The following GOSR1 variants were observed in gnomAD, a reference collection of about 807,000 sequenced individuals.
GOSR1 encodes 28 kDa Golgi SNARE protein.
Under a neutral mutation model 35.5 loss-of-function variants are expected in GOSR1, and 21 were observed. That is an observed-to-expected ratio of 0.59 (90% CI 0.42 to 0.85). The LOEUF (loss-of-function observed/expected upper bound fraction) is 0.85, where lower values mean the gene tolerates loss of function less well. Ranked by LOEUF, GOSR1 falls within the 40% of genes least tolerant of loss-of-function variation. The pLI, the probability that GOSR1 is intolerant of heterozygous loss-of-function variation, is 0.00. For synonymous variants in GOSR1, 94 were observed against 106.6 expected, an observed-to-expected ratio of 0.88 and a Z score of 0.73; for missense variants, 285 against 309.6, an observed-to-expected ratio of 0.92 and a Z score of 0.60.
In GOSR1 at chr17:30,484,231, T is replaced by A; in HGVS notation, c.164T>A (p.Leu55His). The A allele has an allele frequency of 6.2e-7, 1 of 1,605,870 alleles. No individual in the cohort carries two copies. Among genetic ancestry groups the A allele is most frequent in the Non-Finnish European group, 8.5e-7 (1 of 1,172,550 alleles). Residue 55 changes from leucine (L) to histidine (H), a missense_variant, in exon 3 of 9, where the codon CTT (leucine) becomes CAT (histidine). Physicochemically the swap from Leu to His is moderately conservative, Grantham distance 99. Transcript: ENST00000451249. ...GRRDSSDTTP[L>H]LNGSSQDRMF... Reference sequence around the variant, plus strand: ...CTTTTTAGTTCTGATACAACACCCCTTTTAAATGGATCAAGCCAAGACAGA... The same window carrying A: ...CTTTTTAGTTCTGATACAACACCCCATTTAAATGGATCAAGCCAAGACAGA...
intron 7 of GOSR1, among the ~76,000 whole-genome samples, chr17:30,517,591 A>T (rs1967869126): frequency 6.9e-6 from 1 of 144,250 alleles, no homozygotes. Context: ...GTTTTGGGGG[A>T]TTTTTTTTTT....
In GOSR1 at chr17:30,525,788, G is replaced by C. The variant is rs141094432; in HGVS notation, c.*3410G>C. 6.6e-6 allele frequency: 1 copy of C among 152,256 alleles called. No homozygotes were observed. The highest frequency in any genetic ancestry group is 1.9e-4 in the East Asian group (1 of 5,186). The allele number at this position is 152,256 out of a possible 1,614,324, so 9.4% of individuals were successfully genotyped here. A position where few individuals can be genotyped will look rare whatever the true frequency, so the allele number is the denominator to read the frequency against. On this transcript the variant is annotated 3_prime_UTR_variant, in exon 9 of 9. Coordinates refer to ENST00000451249, the MANE Select transcript of GOSR1 (RefSeq NM_001007025.2). ...TCCATTAGGGTTTTGCTTATGTGAAGTAATGGAATTATGTTGGTTATTTTC... is the reference window on the plus strand; with the variant it reads ...TCCATTAGGGTTTTGCTTATGTGAACTAATGGAATTATGTTGGTTATTTTC...
In GOSR1 at chr17:30,477,449, A is replaced by G. The variant is rs369485696; in HGVS notation, c.16A>G (p.Ser6Gly). The G allele has an allele frequency of 1.5e-5, 24 of 1,608,864 alleles. 1 individual carries two copies. The East Asian group carries it at 2.0e-4, about 14-fold the overall frequency. MAAGT[S>G]SYWEDLRKQA... ...GACGACAAAGATGGCGGCAGGGACC[A>G]GCAGTTACTGGGAAGGTGAGGGCGA... The change falls in exon 1 of 9, where the codon AGC becomes GGC. Residue 6 changes from serine (S) to glycine (G), a missense_variant. Around this residue, in one of 3 missense-constraint regions of GOSR1, gnomAD observed 108 missense variants for 98.9 expected, o/e 1.09. Transcript: ENST00000451249.
At chr17:30,490,803 C>CT (rs1047353795) in intron 5 of GOSR1, among the ~76,000 whole-genome samples, 7 of 152,076 alleles carry the variant, frequency 4.6e-5, no homozygotes, top group Admixed American at 3.3e-4. Flanking sequence ...TTCACCTCAC[C>CT]TTTAATGATC....
chr17:30,482,192 T>C (rs2143606449), intron 2 of GOSR1, among the ~76,000 whole-genome samples: 1 of 151,952 alleles, frequency 6.6e-6, no homozygotes, highest in East Asian at 1.9e-4. Context: ...TATTATGTTA[T>C]ATAGTATATA....
At chr17:30,484,375 A>G in intron 3 of GOSR1, 74 bp downstream of exon 3, 2 of 862,716 alleles carry the variant, frequency 2.3e-6, no homozygotes, top group South Asian at 2.7e-5. Flanking sequence ...GATTATATTG[A>G]GACAGACATG....
chr17:30,478,285 T>C (rs575001822), intron 1 of GOSR1, among the ~76,000 whole-genome samples: 2 of 152,358 alleles, frequency 1.3e-5, no homozygotes, highest in South Asian at 4.1e-4. Flanking sequence ...CTCTTTGCTT[T>C]ACAGCCGCAT....
At position 30,524,372 on chromosome 17, in the gene GOSR1, G is replaced by A. The variant is rs1417429725; in HGVS notation, c.*1994G>A. On this transcript the variant is annotated 3_prime_UTR_variant, in exon 9 of 9. Coordinates refer to ENST00000451249, the MANE Select transcript of GOSR1 (RefSeq NM_001007025.2). ...AAATTCTGTTTTTCATAGATTCTTT[G>A]AGATGCTGATGGACCAGCTTCAGCA... 6.6e-6 allele frequency: 1 copy of A among 152,114 alleles called. No homozygotes were observed. The highest frequency in any genetic ancestry group is 1.5e-5 in the Non-Finnish European group (1 of 68,028). The allele number at this position is 152,114 out of a possible 1,614,324, so 9.4% of individuals were successfully genotyped here. A position where few individuals can be genotyped will look rare whatever the true frequency, so the allele number is the denominator to read the frequency against.
rs2143978151 is a variant in GOSR1, at chr17:30,525,626, A to G, written c.*3248A>G. The stretch of plus-strand genomic sequence containing the variant: ...GTATCATAAATAAAGTTATTTATTT[A>G]ATTATACTACCAGTCTTTTTTACTG... On this transcript the variant is annotated 3_prime_UTR_variant, in exon 9 of 9. Coordinates refer to ENST00000451249, the MANE Select transcript of GOSR1 (RefSeq NM_001007025.2). 6.6e-6 allele frequency: 1 copy of G among 152,298 alleles called. No individual in the cohort carries two copies. Among genetic ancestry groups the G allele is most frequent in the East Asian group, 1.9e-4 (1 of 5,188 alleles). 9.4% of individuals were successfully genotyped at this position (152,298 alleles called of 1,614,324 possible). A position where few individuals can be genotyped will look rare whatever the true frequency, so the allele number is the denominator to read the frequency against.
chr17:30,479,672 C>T (rs1422471424), intron 1 of GOSR1: 1 of 152,306 alleles, frequency 6.6e-6, no homozygotes, highest in Admixed American at 6.6e-5. Flanking sequence ...CCACGCCTGG[C>T]TAATTTTTTG....
In GOSR1 at chr17:30,522,493, A is replaced by G; in HGVS notation, c.*115A>G. ...ATAATTAGCCTGACCAGCAGGATGAATGCAAGACTGACAGTGATGGACTCT... is the reference window on the plus strand; with the variant it reads ...ATAATTAGCCTGACCAGCAGGATGAGTGCAAGACTGACAGTGATGGACTCT... On this transcript the variant is annotated 3_prime_UTR_variant, in exon 9 of 9. Coordinates refer to ENST00000451249, the MANE Select transcript of GOSR1 (RefSeq NM_001007025.2). 1.3e-6 allele frequency: 1 copy of G among 752,356 alleles called. No individual in the cohort carries two copies. The highest frequency in any genetic ancestry group is 2.0e-6 in the Non-Finnish European group (1 of 488,612). The allele number at this position is 752,356 out of a possible 1,614,324, so 46.6% of individuals were successfully genotyped here. A position where few individuals can be genotyped will look rare whatever the true frequency, so the allele number is the denominator to read the frequency against.
At position 30,483,507 on chromosome 17, in the gene GOSR1, TTAG is replaced by T. The variant is rs1287775403; in HGVS notation, c.147-702_147-700del. Among the ~76,000 whole-genome samples the T allele has an allele frequency of 1.2e-4, 19 of 152,334 alleles. No homozygotes were observed. In the East Asian group the frequency reaches 2.9e-3, roughly 23 times the overall value. On this transcript the variant is annotated intron_variant, in intron 2 of 8. Transcript: ENST00000451249. ...TATATCTGGTAGAGGAGGATTTATATTAGTAGTCTACAGAGCATTTATTTAATA... is the reference window on the plus strand; with the variant it reads ...TATATCTGGTAGAGGAGGATTTATATTAGTCTACAGAGCATTTATTTAATA...
At chr17:30,481,065 T>C (rs1914313111) in intron 1 of GOSR1, 78 bp from the exon 2 acceptor site, 2 of 932,028 alleles carry the variant, frequency 2.1e-6, no homozygotes, top group South Asian at 1.3e-5. Flanking sequence ...TTTCATAGTT[T>C]GTTTTCTTTA....
intron 2 of GOSR1, among the ~76,000 whole-genome samples, chr17:30,481,789 A>C (rs1914369851): frequency 6.6e-6 from 1 of 152,130 alleles, no homozygotes; most frequent in South Asian, 2.1e-4. Context: ...ATACATTCTT[A>C]TCTTTGAAGC....
intron 4 of GOSR1, among the ~76,000 whole-genome samples, chr17:30,485,319 T>G (rs978849929): frequency 2.0e-5 from 3 of 150,994 alleles, no homozygotes; most frequent in Non-Finnish European, 2.9e-5. Context: ...CAGGCTGGAG[T>G]GCAGTAGTAC....
intron 6 of GOSR1, among the ~76,000 whole-genome samples, chr17:30,505,256 C>T (rs1446574718): frequency 6.6e-6 from 1 of 151,838 alleles, no homozygotes; most frequent in South Asian, 2.1e-4. Flanking sequence ...AGAGAGAGGC[C>T]GGGTGTGGTG....
intron 5 of GOSR1, among the ~76,000 whole-genome samples, chr17:30,492,267 C>A (rs956447422): frequency 6.6e-6 from 1 of 152,148 alleles, no homozygotes; most frequent in South Asian, 2.1e-4. Flanking sequence ...AGTTGGTGGA[C>A]CACATATATT....
Position 30,524,535 on chromosome 17 carries a change from C to CG in GOSR1, c.*2157_*2158insG, listed in dbSNP as rs1968151331. The stretch of plus-strand genomic sequence containing the variant: ...TATTTAAGGCACCAGTCATTGTTTC[C>CG]ATTTTTTTTTTAATTCTTCCCTTGG... On this transcript the variant is annotated 3_prime_UTR_variant, in exon 9 of 9. Transcript: ENST00000451249. 2.7e-4 allele frequency: 29 copies of CG among 106,290 alleles called. No homozygotes were observed. Among genetic ancestry groups the CG allele is most frequent in the African/African-American group, 9.8e-4 (28 of 28,446 alleles). 6.6% of individuals were successfully genotyped at this position (106,290 alleles called of 1,614,324 possible). A position where few individuals can be genotyped will look rare whatever the true frequency, so the allele number is the denominator to read the frequency against.
rs201386051 is a variant in GOSR1 at position 30,522,403 on chromosome 17, C to T, written c.*25C>T. ...ATGGGACATCTTCAGGGACTCTTGA[C>T]AGCCACCGCTTTCACACCCTGGTCT... On this transcript the variant is annotated 3_prime_UTR_variant, in exon 9 of 9. Coordinates refer to ENST00000451249, the MANE Select transcript of GOSR1 (RefSeq NM_001007025.2). 1.6e-4 allele frequency: 244 copies of T among 1,532,094 alleles called. 1 individual carries two copies. Among genetic ancestry groups the T allele is most frequent in the Middle Eastern group, 7.1e-4 (4 of 5,650 alleles). The allele number at this position is 1,532,094 out of a possible 1,614,324, so 94.9% of individuals were successfully genotyped here. A position where few individuals can be genotyped will look rare whatever the true frequency, so the allele number is the denominator to read the frequency against.
Sources: gnomAD v4.1 joint callset for allele counts (sites outside exome capture counted in the v4.1 genomes callset) on GRCh38, gnomAD v4.1.1 for gene constraint, gnomAD v4.1.1 regional missense constraint, MANE v1.5 for transcripts, NCBI Gene and HGNC (gene_info 2026-07-23, HGNC 2026-07-21) for gene names.